Variants in CDH11 observed in about 807,000 individuals in gnomAD.
CDH11 encodes cadherin-11.
In CDH11, 11 loss-of-function variants were observed where a neutral mutation model predicts 67.8. The ratio of observed to expected loss-of-function variants is 0.16; its 90% confidence interval spans 0.10 to 0.27. The LOEUF (loss-of-function observed/expected upper bound fraction) is 0.27. CDH11 is among the 10% of genes least tolerant of loss of function. CDH11 has a pLI of 1.00. For synonymous variants in CDH11, 419 were observed against 400.0 expected (o/e 1.05, Z -0.57); for missense variants, 847 against 1,031.2 (o/e 0.82, Z 2.45).
At chr16:65,107,327 TTGAC>T (rs1387983774) in intron 1 of CDH11, among the ~76,000 whole-genome samples, 3 of 152,222 alleles carry the variant, frequency 2.0e-5, no homozygotes, top group Admixed American at 2.0e-4. Flanking sequence ...GTCCTGAAGA[TTGAC>T]TGAGATAATT....
chr16:65,115,923 T>G (rs2075238482), intron 1 of CDH11, among the ~76,000 whole-genome samples: 1 of 152,042 alleles, frequency 6.6e-6, no homozygotes, highest in Non-Finnish European at 1.5e-5. Context: ...AGTGAGACTC[T>G]GTCTCTAAAA....
At chr16:65,061,248 G>C (rs1340365592) in intron 1 of CDH11, among the ~76,000 whole-genome samples, 1 of 152,204 alleles carries the variant, frequency 6.6e-6, no homozygotes, top group African/African-American at 2.4e-5. Flanking sequence ...TCAGTACACT[G>C]CTAACACTCC....
At chr16:65,021,750 G>A (rs1379618257) in intron 2 of CDH11, among the ~76,000 whole-genome samples, 2 of 150,496 alleles carry the variant, frequency 1.3e-5, no homozygotes, top group East Asian at 3.9e-4. Context: ...TTCTGCAAAA[G>A]TATTTTCCCA....
chr16:64,950,904 T>A lies in CDH11; in HGVS notation c.1757A>T (p.Asn586Ile). The A allele has an allele frequency of 1.2e-6, 2 of 1,614,226 alleles. No individual in the cohort carries two copies. The highest frequency in any genetic ancestry group is 1.7e-6 in the Non-Finnish European group (2 of 1,180,038). The change falls in exon 12 of 13, where the codon AAC becomes ATC. Residue 586 changes from asparagine (N) to isoleucine (I), a missense_variant. Transcript: ENST00000268603. ...CCCGCAGACTTTGATGGTGAGGGTG[T>A]TGGTGCTACTCATGGGCGGGATGCC... is the stretch of plus-strand genomic sequence containing the variant. ...DGGIPPMSST[N>I]TLTIKVCGCD...
chr16:65,069,617 C>T (rs534630134), intron 1 of CDH11, among the ~76,000 whole-genome samples: 17 of 152,248 alleles, frequency 1.1e-4, no homozygotes, highest in South Asian at 1.0e-3. Context: ...AAAGAACAAG[C>T]CAATTTATTC....
intron 3 of CDH11, among the ~76,000 whole-genome samples, chr16:64,999,546 T>C (rs1430224500): frequency 5.3e-5 from 8 of 152,150 alleles, no homozygotes; most frequent in Non-Finnish European, 1.0e-4. Context: ...GTTTTTCTTT[T>C]TTTTTGAGGT....
intron 1 of CDH11, among the ~76,000 whole-genome samples, chr16:65,062,550 G>A (rs1047729697): frequency 2.6e-5 from 4 of 152,110 alleles, no homozygotes; most frequent in Admixed American, 2.6e-4. Context: ...AACAAAATCA[G>A]GTTTCTCAAA....
chr16:65,026,799 A>G (rs1346028216), intron 2 of CDH11, among the ~76,000 whole-genome samples: 2 of 152,162 alleles, frequency 1.3e-5, no homozygotes, highest in East Asian at 1.9e-4. Context: ...CCTCTCTCCC[A>G]TAACATTTTC....
intron 1 of CDH11, among the ~76,000 whole-genome samples, chr16:65,067,898 G>A (rs2074343469): frequency 7.6e-6 from 1 of 131,596 alleles, no homozygotes; most frequent in African/African-American, 2.9e-5. Flanking sequence ...GAGAGAGGAA[G>A]GAAGGAAGAA....
At chr16:65,057,723 C>T (rs368300121) in intron 1 of CDH11, among the ~76,000 whole-genome samples, 1 of 152,146 alleles carries the variant, frequency 6.6e-6, no homozygotes, top group Non-Finnish European at 1.5e-5. Flanking sequence ...CAGCATAGCC[C>T]GAGGAGATGG....
intron 11 of CDH11, among the ~76,000 whole-genome samples, chr16:64,961,626 T>C (rs1450769387): frequency 2.0e-5 from 3 of 152,140 alleles, no homozygotes; most frequent in Admixed American, 2.0e-4. Context: ...ATTAAAATTG[T>C]TCTCCCTTTA....
At chr16:64,958,600 A>G (rs1050666930) in intron 11 of CDH11, among the ~76,000 whole-genome samples, 4 of 152,174 alleles carry the variant, frequency 2.6e-5, no homozygotes, top group African/African-American at 9.7e-5. Context: ...TCACAAGCAC[A>G]TGGAAAATAA....
chr16:65,003,027 C>T (rs377131880), intron 3 of CDH11, among the ~76,000 whole-genome samples: 1 of 148,564 alleles, frequency 6.7e-6, no homozygotes, highest in Non-Finnish European at 1.5e-5. Context: ...TTGCCTAGCA[C>T]GGCAGCTGCT....
intron 11 of CDH11, among the ~76,000 whole-genome samples, chr16:64,963,820 GA>G (rs371449341): frequency 5.9e-4 from 89 of 151,912 alleles, no homozygotes; most frequent in African/African-American, 2.0e-3. Flanking sequence ...AGTATTGAGA[GA>G]AAAAAACATA....
Position 65,004,959 on chromosome 16 carries a change from C to G in CDH11, c.-90G>C. The G allele has an allele frequency of 7.0e-7, 1 of 1,436,328 alleles. No homozygotes were observed. The highest frequency in any genetic ancestry group is 9.2e-7 in the Non-Finnish European group (1 of 1,090,472). The allele number at this position is 1,436,328 out of a possible 1,614,324, so 89.0% of individuals were successfully genotyped here. ...CTTGCTGAGGGTGGCCTCCCGGACG[C>G]GTCACGCAGACCTCTCTTGGGATGG... On this transcript the variant is annotated 5_prime_UTR_variant, in exon 3 of 13. Transcript: ENST00000268603.
chr16:65,078,661 C>G (rs1332878142), intron 1 of CDH11, among the ~76,000 whole-genome samples: 1 of 152,112 alleles, frequency 6.6e-6, no homozygotes, highest in Admixed American at 6.5e-5. Flanking sequence ...AATAAGTCAT[C>G]AAGCATTTAT....
At chr16:65,092,644 G>A (rs2074811782) in intron 1 of CDH11, among the ~76,000 whole-genome samples, 1 of 152,142 alleles carries the variant, frequency 6.6e-6, no homozygotes, top group Non-Finnish European at 1.5e-5. Flanking sequence ...AGTGTCAGGT[G>A]TCCATTCACC....
intron 1 of CDH11, among the ~76,000 whole-genome samples, chr16:65,087,743 G>C (rs2074724838): frequency 1.3e-5 from 2 of 152,112 alleles, no homozygotes; most frequent in Non-Finnish European, 1.5e-5. Flanking sequence ...CCAGGTAAGG[G>C]CTATTATCAA....
chr16:64,973,082 G>A, intron 8 of CDH11, 42 bp from the exon 9 acceptor site: 3 of 1,588,740 alleles, frequency 1.9e-6, no homozygotes, highest in Non-Finnish European at 2.6e-6. Flanking sequence ...AAGACATTCA[G>A]AGCAGCTTAA....
Sources: allele counts gnomAD v4.1 joint callset (sites outside exome capture counted in the v4.1 genomes callset), GRCh38; gene constraint gnomAD v4.1.1; transcripts MANE v1.5; gene names NCBI Gene and HGNC (gene_info 2026-07-23, HGNC 2026-07-21).